The following MAF variants were observed in gnomAD, a reference collection of about 807,000 sequenced individuals.
MAF encodes the protein MAF bZIP transcription factor.
In MAF, 10 loss-of-function variants were observed where a neutral mutation model predicts 22.0. The observed-to-expected ratio is 0.45, with a 90% CI of 0.28 to 0.77. The LOEUF is 0.77. Ranked by LOEUF, MAF falls within the 30% of genes least tolerant of loss-of-function variation. The pLI is 0.12. For missense variants in MAF, 544 were observed against 548.4 expected (o/e 0.99, Z 0.08); for synonymous variants, 337 against 255.8 (o/e 1.32, Z -3.03).
At chr16:79,554,876 C>G in the MAF span, among the ~76,000 whole-genome samples, 1 of 152,160 alleles carries the variant, frequency 6.6e-6, no homozygotes, top group Non-Finnish European at 1.5e-5. Flanking sequence ...CCTGTTTCTA[C>G]CATCAGAGCC....
At chr16:79,205,847 G>A in the MAF span, 19 of 152,176 alleles carry the variant, frequency 1.2e-4, no homozygotes, top group African/African-American at 2.4e-5. Flanking sequence ...CTGCAAACCT[G>A]ATGAAACACT....
At chr16:79,356,898 C>G in the MAF span, among the ~76,000 whole-genome samples, 1 of 152,120 alleles carries the variant, frequency 6.6e-6, no homozygotes, top group Non-Finnish European at 1.5e-5. Flanking sequence ...TGAATGTAGT[C>G]CAGGCTGGGT....
chr16:79,351,496 A>G, the MAF span, among the ~76,000 whole-genome samples: 1 of 152,162 alleles, frequency 6.6e-6, no homozygotes, highest in Non-Finnish European at 1.5e-5. Context: ...ACTAGGAAGT[A>G]GCATAACTGT....
chr16:79,255,206 C>T, the MAF span, among the ~76,000 whole-genome samples: 1 of 152,214 alleles, frequency 6.6e-6, no homozygotes, highest in East Asian at 1.9e-4. Flanking sequence ...TGACTGACTT[C>T]TGAAAAAGCT....
rs915692184 is a variant in MAF at position 79,597,192 on chromosome 16, G to A, written c.1118+1593C>T. ...TAGTAAACAATTTAGTGCATCAATC[G>A]TTTAAAAAATCTACAGCTAAACAGA... On this transcript the variant is annotated intron_variant, in intron 1 of 1. Transcript: ENST00000326043. 8.1e-5 allele frequency: 85 copies of A among 1,052,674 alleles called. No homozygotes were observed. The East Asian group carries it at 1.2e-3, about 15-fold the overall frequency. 65.2% of individuals were successfully genotyped at this position (1,052,674 alleles called of 1,614,324 possible).
the MAF span, among the ~76,000 whole-genome samples, chr16:79,569,005 G>A: frequency 6.6e-6 from 1 of 152,196 alleles, no homozygotes; most frequent in African/African-American, 2.4e-5. Context: ...TAGTCAGCTA[G>A]AAGGTTAAGC....
the MAF span, among the ~76,000 whole-genome samples, chr16:79,497,971 G>C: frequency 2.6e-5 from 4 of 152,188 alleles, no homozygotes; most frequent in African/African-American, 9.7e-5. Flanking sequence ...ACACCACTCT[G>C]AGAGTAACAA....
the MAF span, among the ~76,000 whole-genome samples, chr16:79,478,276 C>T: frequency 0.15 from 22,138 of 152,234 alleles, 2,032 homozygotes; most frequent in East Asian, 0.43. Context: ...ATTCCTGTGT[C>T]CACACTTTAC....
At chr16:79,350,182 T>C in the MAF span, among the ~76,000 whole-genome samples, 1 of 152,192 alleles carries the variant, frequency 6.6e-6, no homozygotes, top group African/African-American at 2.4e-5. Flanking sequence ...CAAATGAGGA[T>C]TTGTTAAAGC....
Position 79,600,514 on chromosome 16 carries a change from G to T in MAF, c.-612C>A, listed in dbSNP as rs544787727. ...TTTCTTTCCTCTCTCTCCCTCGCGCGCTCTCTACCTCTGTGCAAAGTGCAA... is the reference window on the plus strand; with the variant it reads ...TTTCTTTCCTCTCTCTCCCTCGCGCTCTCTCTACCTCTGTGCAAAGTGCAA... On this transcript the variant is annotated 5_prime_UTR_variant, in exon 1 of 2. Transcript: ENST00000326043. 2.6e-5 allele frequency: 5 copies of T among 195,260 alleles called. No homozygotes were observed. Among genetic ancestry groups the T allele is most frequent in the African/African-American group, 9.5e-5 (4 of 42,192 alleles). The allele number at this position is 195,260 out of a possible 1,614,324, so 12.1% of individuals were successfully genotyped here. A position where few individuals can be genotyped will look rare whatever the true frequency, so the allele number is the denominator to read the frequency against.
At chr16:79,338,919 G>C in the MAF span, among the ~76,000 whole-genome samples, 1 of 152,190 alleles carries the variant, frequency 6.6e-6, no homozygotes, top group South Asian at 2.1e-4. Flanking sequence ...TCCATGACAT[G>C]GAGTTATGGC....
the MAF span, among the ~76,000 whole-genome samples, chr16:79,503,118 C>T: frequency 3.3e-5 from 5 of 151,982 alleles, no homozygotes; most frequent in African/African-American, 9.7e-5. Context: ...GCTTGGTTTA[C>T]GGGCTGGGCA....
At chr16:79,388,931 C>T in the MAF span, among the ~76,000 whole-genome samples, 1 of 152,208 alleles carries the variant, frequency 6.6e-6, no homozygotes, top group East Asian at 1.9e-4. Flanking sequence ...TTTCCAAGGG[C>T]CGTGATTGAG....
chr16:79,295,711 C>T, the MAF span, among the ~76,000 whole-genome samples: 1 of 152,202 alleles, frequency 6.6e-6, no homozygotes, highest in Non-Finnish European at 1.5e-5. Flanking sequence ...AGCAGGGTCT[C>T]CCACTGGGCA....
the MAF span, among the ~76,000 whole-genome samples, chr16:79,223,959 G>A: frequency 1.3e-5 from 2 of 152,148 alleles, no homozygotes; most frequent in African/African-American, 4.8e-5. Context: ...CATACCTTCT[G>A]AAACTATTGC....
At chr16:79,223,785 A>G in the MAF span, among the ~76,000 whole-genome samples, 3 of 152,206 alleles carry the variant, frequency 2.0e-5, no homozygotes, top group African/African-American at 4.8e-5. Context: ...TCCTGGACAT[A>G]TACACCCTCC....
At chr16:79,515,875 G>A in the MAF span, 4 of 151,870 alleles carry the variant, frequency 2.6e-5, no homozygotes, top group Non-Finnish European at 5.9e-5. Context: ...TCCATCATAT[G>A]GAGTCTGAGT....
the MAF span, among the ~76,000 whole-genome samples, chr16:79,439,240 T>C: frequency 6.6e-6 from 1 of 151,352 alleles, no homozygotes; most frequent in Non-Finnish European, 1.5e-5. Flanking sequence ...CCTATCGTCC[T>C]ATGGGGTAGG....
At chr16:79,325,134 C>T in the MAF span, among the ~76,000 whole-genome samples, 1 of 152,152 alleles carries the variant, frequency 6.6e-6, no homozygotes, top group Non-Finnish European at 1.5e-5. Context: ...TGCCAAGACT[C>T]TTTTTACAAA....
Sources: gnomAD v4.1 joint callset for allele counts (sites outside exome capture counted in the v4.1 genomes callset) on GRCh38, gnomAD v4.1.1 for gene constraint, MANE v1.5 for transcripts, NCBI Gene and HGNC (gene_info 2026-07-23, HGNC 2026-07-21) for gene names.